COMMD9: variants seen among roughly 807,000 people sequenced by gnomAD.
COMMD9 encodes the protein COMM domain-containing protein 9.
Under a neutral mutation model 23.4 loss-of-function variants are expected in COMMD9, and 22 were observed. The ratio of observed to expected loss-of-function variants is 0.94; its 90% CI spans 0.67 to 1.34. COMMD9 has a LOEUF of 1.34. Among genes scored for constraint, COMMD9 ranks in the 40% most tolerant of loss-of-function variants. The probability of loss-of-function intolerance (pLI) is 0.00; values close to 1 mark genes in which losing one functional copy is unlikely to be tolerated. For synonymous variants in COMMD9, 99 were observed against 97.4 expected, an observed-to-expected ratio of 1.02 and a Z score of -0.10; for missense variants, 231 against 240.2, an observed-to-expected ratio of 0.96 and a Z score of 0.25.
In COMMD9 at chr11:36,274,780, G is replaced by A. The variant is rs538853048; in HGVS notation, c.457-8C>T. ...GCTGGGATCTTCTTGGATCTGAAAC[G>A]AGAACACAGCCCAGAAAGTCAAAGC... On this transcript the variant is annotated splice_region_variant and splice_polypyrimidine_tract_variant and intron_variant, in intron 5 of 5. Transcript: ENST00000263401. The A allele has an allele frequency of 3.3e-5, 53 of 1,614,194 alleles. No individual in the cohort carries two copies. Among genetic ancestry groups the A allele is most frequent in the Admixed American group, 2.2e-4 (13 of 60,026 alleles).
At chr11:36,278,422 AAAAAT>A in intron 3 of COMMD9, 50 bp downstream of exon 3, 1 of 1,503,668 alleles carries the variant, frequency 6.7e-7, no homozygotes, top group Admixed American at 1.7e-5. Context: ...GAATGAGAAT[AAAAAT>A]AATAAGAAAT....
intron 1 of COMMD9, among the ~76,000 whole-genome samples, chr11:36,285,959 G>A (rs535534596): frequency 6.6e-6 from 1 of 152,220 alleles, no homozygotes; most frequent in African/African-American, 2.4e-5. Context: ...TGAATGCTTT[G>A]CCCCCAAAAC....
chr11:36,284,968 C>T (rs1358505693), intron 1 of COMMD9, among the ~76,000 whole-genome samples: 1 of 152,020 alleles, frequency 6.6e-6, no homozygotes. Context: ...ACCTCAAGAA[C>T]CTATAAACAG....
At chr11:36,275,079 C>T (rs1266073076) in intron 5 of COMMD9, among the ~76,000 whole-genome samples, 6 of 152,212 alleles carry the variant, frequency 3.9e-5, no homozygotes, top group African/African-American at 1.2e-4. Flanking sequence ...GAAAACATTA[C>T]GTGTGTTTAC....
chr11:36,283,958 T>C (rs1054523031), intron 1 of COMMD9, among the ~76,000 whole-genome samples: 1 of 151,916 alleles, frequency 6.6e-6, no homozygotes, highest in Non-Finnish European at 1.5e-5. Flanking sequence ...ATATAAAAAT[T>C]AGCCAGGCAT....
intron 1 of COMMD9, 57 bp downstream of exon 1, chr11:36,289,305 G>T (rs1422709253): frequency 3.3e-6 from 5 of 1,516,268 alleles, no homozygotes; most frequent in Non-Finnish European, 4.5e-6. Flanking sequence ...TTCCTGCTCC[G>T]TCTAAAGTCT....
intron 1 of COMMD9, among the ~76,000 whole-genome samples, chr11:36,284,722 G>A (rs1303243834): frequency 1.3e-5 from 2 of 152,132 alleles, no homozygotes; most frequent in Non-Finnish European, 2.9e-5. Context: ...TAGCAGAAAG[G>A]TAACAGAAAA....
intron 1 of COMMD9, among the ~76,000 whole-genome samples, chr11:36,282,842 G>A (rs535298693): frequency 1.3e-5 from 2 of 152,292 alleles, no homozygotes; most frequent in Non-Finnish European, 2.9e-5. Flanking sequence ...AGAGAAGCTG[G>A]CAGCTTGGCT....
chr11:36,284,164 C>T (rs1190153965), intron 1 of COMMD9, among the ~76,000 whole-genome samples: 2 of 151,926 alleles, frequency 1.3e-5, no homozygotes, highest in Admixed American at 6.6e-5. Flanking sequence ...AAATATAAGA[C>T]ATAAGGCAGG....
In COMMD9 at chr11:36,274,633, C is replaced by T; in HGVS notation, c.596G>A (p.Ter199=). 6.2e-7 allele frequency: 1 copy of T among 1,614,200 alleles called. No individual in the cohort carries two copies. The highest frequency in any genetic ancestry group is 8.5e-7 in the Non-Finnish European group (1 of 1,180,032). ...CAGTGGCCCTGGCAGCTGGCTGGAT[C>T]ATTTACTGGCCACGGCAGAGAGTTG... ...RDQLSAVASK[*] Residue 199 remains the stop codon, a stop_retained_variant, in exon 6 of 6, where the codon TGA becomes TAA. Transcript: ENST00000263401.
chr11:36,280,753 T>A lies in COMMD9; in HGVS notation c.136A>T (p.Thr46Ser), dbSNP rs375533918. Reference sequence around the variant, plus strand: ...TGGGTCACAGACAAGCTGGAACATGTAACATCCAAGAGTTTTTTCAAGCCA... The same window carrying A: ...TGGGTCACAGACAAGCTGGAACATGAAACATCCAAGAGTTTTTTCAAGCCA... ...ALGLKKLLDV[T>S]CSSLSVTQEE... is the part of the protein sequence containing the mutation. The change falls in exon 2 of 6, where the codon ACA (threonine) becomes TCA (serine). Residue 46 changes from threonine (T) to serine (S), a missense_variant. By Grantham distance (58) the Thr-to-Ser change is moderately conservative. Transcript: ENST00000263401. 1.9e-4 allele frequency: 307 copies of A among 1,610,304 alleles called. No individual in the cohort carries two copies. The highest frequency in any genetic ancestry group is 2.5e-4 in the Non-Finnish European group (295 of 1,177,640).
chr11:36,284,289 A>C (rs1468794130), intron 1 of COMMD9, among the ~76,000 whole-genome samples: 3 of 152,278 alleles, frequency 2.0e-5, no homozygotes, highest in Non-Finnish European at 4.4e-5. Context: ...AAATTACCAG[A>C]GACAGAGAGG....
At position 36,272,629 on chromosome 11, in the gene COMMD9, G is replaced by C. The variant is rs1855896701; in HGVS notation, c.*2003C>G. 6.6e-6 allele frequency: 1 copy of C among 152,192 alleles called. No individual in the cohort carries two copies. The highest frequency in any genetic ancestry group is 1.5e-5 in the Non-Finnish European group (1 of 68,034). 9.4% of individuals were successfully genotyped at this position (152,192 alleles called of 1,614,324 possible). A position where few individuals can be genotyped will look rare whatever the true frequency, so the allele number is the denominator to read the frequency against. On this transcript the variant is annotated 3_prime_UTR_variant, in exon 6 of 6. Transcript: ENST00000263401. ...CTGGGGTCCTTGACCTCTTGTCGTTGCATGCAAAAAATTGAATGTTCATTT... is the reference window on the plus strand; with the variant it reads ...CTGGGGTCCTTGACCTCTTGTCGTTCCATGCAAAAAATTGAATGTTCATTT...
At chr11:36,285,600 G>A (rs991086290) in intron 1 of COMMD9, among the ~76,000 whole-genome samples, 12 of 151,922 alleles carry the variant, frequency 7.9e-5, no homozygotes, top group Admixed American at 7.2e-4. Flanking sequence ...CATAAAAATA[G>A]ATGCGAAAAT....
Position 36,276,135 on chromosome 11 carries a change from A to G in COMMD9, c.456+2T>C. On this transcript the variant is annotated splice_donor_variant, in intron 5 of 5. Coordinates refer to ENST00000263401, the MANE Select transcript of COMMD9 (RefSeq NM_014186.4). LOFTEE classifies it high-confidence loss of function. ...TTTCTAATGGCATGATAGTGAATGT[A>G]CCTTCATCTGGAGCAGGCAGGTGGG... 6.2e-7 allele frequency: 1 copy of G among 1,609,056 alleles called. No individual in the cohort carries two copies. The highest frequency in any genetic ancestry group is 8.5e-7 in the Non-Finnish European group (1 of 1,175,428).
intron 3 of COMMD9, among the ~76,000 whole-genome samples, chr11:36,277,428 A>T (rs901497391): frequency 6.6e-6 from 1 of 152,244 alleles, no homozygotes; most frequent in African/African-American, 2.4e-5. Context: ...ACAAAACAGA[A>T]AAAAAGGTCA....
At chr11:36,283,061 C>A (rs1190090783) in intron 1 of COMMD9, among the ~76,000 whole-genome samples, 2 of 152,162 alleles carry the variant, frequency 1.3e-5, no homozygotes, top group African/African-American at 4.8e-5. Flanking sequence ...AAGGGAATCC[C>A]CCATCTTCCA....
rs1160292854 is a variant in COMMD9, at chr11:36,274,311, CA to C, written c.*320del. On this transcript the variant is annotated 3_prime_UTR_variant, in exon 6 of 6. Transcript: ENST00000263401. ...CTGCATGATTTGGGCCTGAATTTCT[CA>C]AACAGCTATGCAGAGGCAGCTGACG... is the stretch of plus-strand genomic sequence containing the variant. The C allele has an allele frequency of 1.9e-5, 11 of 565,042 alleles. No homozygotes were observed. The highest frequency in any genetic ancestry group is 3.0e-5 in the Non-Finnish European group (9 of 298,222). The allele number at this position is 565,042 out of a possible 1,614,324, so 35.0% of individuals were successfully genotyped here. A position where few individuals can be genotyped will look rare whatever the true frequency, so the allele number is the denominator to read the frequency against.
rs762001223 is a variant in COMMD9 at position 36,273,064 on chromosome 11, T to G, written c.*1568A>C. 1.3e-5 allele frequency: 2 copies of G among 152,238 alleles called. No homozygotes were observed. Among genetic ancestry groups the G allele is most frequent in the African/African-American group, 4.8e-5 (2 of 41,456 alleles). 9.4% of individuals were successfully genotyped at this position (152,238 alleles called of 1,614,324 possible). A position where few individuals can be genotyped will look rare whatever the true frequency, so the allele number is the denominator to read the frequency against. On this transcript the variant is annotated 3_prime_UTR_variant, in exon 6 of 6. Coordinates refer to ENST00000263401, the MANE Select transcript of COMMD9 (RefSeq NM_014186.4). ...TTAGGTGCATTATATCATTTAATTT[T>G]CACAAAAGTCCTATCAAGTAGGTAC...
Sources: allele counts gnomAD v4.1 joint callset (sites outside exome capture counted in the v4.1 genomes callset), GRCh38; gene constraint gnomAD v4.1.1; transcripts MANE v1.5; gene names NCBI Gene and HGNC (gene_info 2026-07-23, HGNC 2026-07-21).